Variants in DPM1 observed in about 807,000 individuals in gnomAD.
The protein encoded by DPM1 is dolichyl-phosphate mannosyltransferase subunit 1, catalytic.
A neutral mutation model predicts 39.0 loss-of-function variants in DPM1; 27 were observed. That is an observed-to-expected ratio of 0.69 (90% confidence interval 0.51 to 0.95). The LOEUF (loss-of-function observed/expected upper bound fraction) is 0.95. DPM1 is among the 40% of genes least tolerant of loss of function. The pLI, the probability that DPM1 is intolerant of heterozygous loss-of-function variation, is 0.00. For synonymous variants in DPM1, 124 were observed against 109.0 expected (o/e 1.14, Z -0.86); for missense variants, 307 against 315.6 (o/e 0.97, Z 0.21).
chr20:50,958,322 A>T, intron 1 of DPM1, 41 bp downstream of exon 1: 1 of 1,607,952 alleles, frequency 6.2e-7, no homozygotes, highest in Non-Finnish European at 8.5e-7. Context: ...CGGGGAAGCC[A>T]GCTCATCTCA....
intron 1 of DPM1, among the ~76,000 whole-genome samples, chr20:50,956,755 G>A (rs976402817): frequency 3.3e-5 from 5 of 152,148 alleles, no homozygotes; most frequent in African/African-American, 9.7e-5. Flanking sequence ...TATGTAAGGT[G>A]ATTTTAATAG....
At chr20:50,941,634 G>A (rs1265430824) in intron 6 of DPM1, among the ~76,000 whole-genome samples, 5 of 151,890 alleles carry the variant, frequency 3.3e-5, no homozygotes, top group Non-Finnish European at 7.4e-5. Context: ...CTTGAGCCCG[G>A]GAGGCAGAGG....
intron 6 of DPM1, among the ~76,000 whole-genome samples, chr20:50,941,449 G>A (rs968621078): frequency 6.9e-6 from 1 of 144,756 alleles, no homozygotes; most frequent in Non-Finnish European, 1.5e-5. Context: ...ATGGTGGTAC[G>A]TGCCTGCAGT....
intron 6 of DPM1, among the ~76,000 whole-genome samples, chr20:50,941,380 A>G (rs928226058): frequency 4.8e-5 from 7 of 145,278 alleles, no homozygotes; most frequent in Non-Finnish European, 1.0e-4. Context: ...CATATTATAT[A>G]TATTCATATA....
intron 7 of DPM1, among the ~76,000 whole-genome samples, chr20:50,940,629 TA>T (rs1450861874): frequency 6.6e-6 from 1 of 152,202 alleles, no homozygotes; most frequent in Non-Finnish European, 1.5e-5. Flanking sequence ...AGTTGAGCCT[TA>T]ATACTAATGT....
In DPM1 at chr20:50,942,260, C is replaced by T. The variant is rs1985903499; in HGVS notation, c.399-134G>A. On this transcript the variant is annotated intron_variant, in intron 5 of 8. Transcript: ENST00000371588. ...CAGTGGCTCACGCCTGCAATCCTAGCACTTTGGGAGGCCGAGGCGGGTGGA... is the reference window on the plus strand; with the variant it reads ...CAGTGGCTCACGCCTGCAATCCTAGTACTTTGGGAGGCCGAGGCGGGTGGA... 4 of 805,266 alleles carry T rather than the reference C, an allele frequency of 5.0e-6. No individual in the cohort carries two copies. In the African/African-American group the frequency reaches 5.1e-5, roughly 10 times the overall value. 49.9% of individuals were successfully genotyped at this position (805,266 alleles called of 1,614,324 possible).
intron 3 of DPM1, among the ~76,000 whole-genome samples, 162 bp downstream of exon 3, chr20:50,948,467 T>C (rs911192133): frequency 1.3e-5 from 2 of 152,206 alleles, no homozygotes; most frequent in Non-Finnish European, 2.9e-5. Flanking sequence ...TCTTGACTTA[T>C]ACAGGCGACC....
intron 1 of DPM1, 44 bp from the exon 2 acceptor site, chr20:50,955,329 C>A: frequency 1.5e-6 from 2 of 1,370,602 alleles, no homozygotes; most frequent in South Asian, 1.2e-5. Flanking sequence ...ACAGTGTTCT[C>A]AAATTTAAAA....
chr20:50,957,037 A>T (rs1207341244), intron 1 of DPM1, among the ~76,000 whole-genome samples: 1 of 152,236 alleles, frequency 6.6e-6, no homozygotes, highest in East Asian at 1.9e-4. Flanking sequence ...AAAATTGCAA[A>T]ATTAGAATAC....
In DPM1 at chr20:50,957,176, A is replaced by T. The variant is rs185641490; in HGVS notation, c.161+1187T>A. 1.0e-3 allele frequency among the ~76,000 whole-genome samples: 159 copies of T among 152,380 alleles called. 2 individuals are homozygous for T. Among genetic ancestry groups the T allele is most frequent in the African/African-American group, 3.5e-3 (147 of 41,582 alleles). On this transcript the variant is annotated intron_variant, in intron 1 of 8. Transcript: ENST00000371588. ...TCTGAGGGGCAAGGCATATGAAGGC[A>T]GTTATTCAAGGAAATACAATCAAAA... is the stretch of plus-strand genomic sequence containing the variant.
chr20:50,950,897 A>T (rs1986539055), intron 2 of DPM1, among the ~76,000 whole-genome samples: 1 of 150,584 alleles, frequency 6.6e-6, no homozygotes. Context: ...CAAACAAACA[A>T]ACATAACTTT....
At chr20:50,956,315 T>C (rs893810175) in intron 1 of DPM1, among the ~76,000 whole-genome samples, 1 of 151,866 alleles carries the variant, frequency 6.6e-6, no homozygotes, top group South Asian at 2.1e-4. Flanking sequence ...AAGAAACAAA[T>C]ACAAGAGGCT....
At chr20:50,956,400 G>C (rs6020867) in intron 1 of DPM1, among the ~76,000 whole-genome samples, 3,023 of 151,990 alleles carry the variant, frequency 0.02, 88 homozygotes, top group African/African-American at 0.07. Context: ...TCAGGATATC[G>C]AGACCATCCT....
At chr20:50,938,983 G>T (rs1239427482) in intron 7 of DPM1, among the ~76,000 whole-genome samples, 1 of 151,478 alleles carries the variant, frequency 6.6e-6, no homozygotes, top group Non-Finnish European at 1.5e-5. Flanking sequence ...CCCTGTCTCA[G>T]AAAAAAGAAA....
chr20:50,955,498 AT>A (rs1405676678), intron 1 of DPM1, among the ~76,000 whole-genome samples: 1 of 152,234 alleles, frequency 6.6e-6, no homozygotes, highest in East Asian at 1.9e-4. Context: ...ATGTCCTGAG[AT>A]ATTAAAGAAT....
chr20:50,938,163 C>T (rs1308328517), intron 7 of DPM1, among the ~76,000 whole-genome samples: 2 of 152,120 alleles, frequency 1.3e-5, no homozygotes, highest in African/African-American at 4.8e-5. Flanking sequence ...CATATAATCC[C>T]ATAAATGCGA....
In DPM1 at chr20:50,936,188, AT is replaced by A; in HGVS notation, c.637del (p.Met213Ter). 6.2e-7 allele frequency: 1 copy of A among 1,613,828 alleles called. No individual in the cohort carries two copies. The highest frequency in any genetic ancestry group is 8.5e-7 in the Non-Finnish European group (1 of 1,179,796). On this transcript the variant is annotated frameshift_variant, in exon 8 of 9. Transcript: ENST00000371588. LOFTEE classifies it high-confidence loss of function. ...VSKGYVFQME[M>X]IVRARQLNYT... ...ATTCAACTGTCTTGCCCGAACAATC[AT>A]CTCCATCTGGAAGACGTAGCCTTTA...
intron 6 of DPM1, 72 bp from the exon 7 acceptor site, chr20:50,941,005 G>C (rs557692394): frequency 7.5e-7 from 1 of 1,331,586 alleles, no homozygotes; most frequent in African/African-American, 1.4e-5. Flanking sequence ...TCGAAGAACA[G>C]TGTTAAAATG....
intron 2 of DPM1, among the ~76,000 whole-genome samples, chr20:50,953,679 C>T (rs1986694788): frequency 6.6e-6 from 1 of 152,008 alleles, no homozygotes; most frequent in Admixed American, 6.6e-5. Context: ...AATGTTGTTC[C>T]AAAATTTGAA....
Sources: gnomAD v4.1 joint callset for allele counts (sites outside exome capture counted in the v4.1 genomes callset) on GRCh38, gnomAD v4.1.1 for gene constraint, MANE v1.5 for transcripts, NCBI Gene and HGNC (gene_info 2026-07-23, HGNC 2026-07-21) for gene names.